ERCC6: variants seen among roughly 807,000 people sequenced by gnomAD.
ERCC6 encodes DNA excision repair protein ERCC-6.
A neutral mutation model predicts 158.7 loss-of-function variants in ERCC6; 116 were observed. The observed-to-expected ratio is 0.73, with a 90% CI of 0.63 to 0.85. The LOEUF is 0.85. Among genes scored for constraint, ERCC6 ranks in the 40% least tolerant of loss-of-function variants. The probability of loss-of-function intolerance (pLI) is 0.00; values close to 1 mark genes in which losing one functional copy is unlikely to be tolerated. For missense variants in ERCC6, 1,698 were observed against 1,799.4 expected (o/e 0.94, Z 1.02); for synonymous variants, 678 against 659.3 (o/e 1.03, Z -0.43).
At chr10:49,436,332 A>G in the ERCC6 span, among the ~76,000 whole-genome samples, 2 of 152,182 alleles carry the variant, frequency 1.3e-5, no homozygotes, top group African/African-American at 4.8e-5. Context: ...AAAATAAAAG[A>G]TTGATAAATT....
chr10:49,476,274 C>T lies in ERCC6; in HGVS notation c.2323G>A (p.Val775Ile). The T allele has an allele frequency of 6.2e-7, 1 of 1,613,914 alleles. No individual in the cohort carries two copies. The highest frequency in any genetic ancestry group is 8.5e-7 in the Non-Finnish European group (1 of 1,179,910). Residue 775 changes from valine to isoleucine, a missense_variant, in exon 12 of 21, where the codon GTC becomes ATC. Coordinates refer to ENST00000355832, the MANE Select transcript of ERCC6 (RefSeq NM_000124.4). ...TTGGAATCAACGAAATTTTGGTAGA[C>T]TTTATGCTGCTCATCTGTAAGACGG... ...FCRLTDEQHK[V>I]YQNFVDSKEV...
chr10:49,438,955 T>C, the ERCC6 span, among the ~76,000 whole-genome samples: 1 of 152,194 alleles, frequency 6.6e-6, no homozygotes, highest in Non-Finnish European at 1.5e-5. Context: ...GTTCCCATGG[T>C]CTTGGGAAGC....
At chr10:49,511,204 C>T (rs1221597000) in intron 5 of ERCC6, among the ~76,000 whole-genome samples, 1 of 152,136 alleles carries the variant, frequency 6.6e-6, no homozygotes, top group Non-Finnish European at 1.5e-5. Flanking sequence ...AGTTTGCTCC[C>T]AAGCTTCCCC....
At chr10:49,537,161 T>C (rs1202330648) in intron 1 of ERCC6, among the ~76,000 whole-genome samples, 2 of 151,844 alleles carry the variant, frequency 1.3e-5, no homozygotes, top group Non-Finnish European at 2.9e-5. Flanking sequence ...CTGACCAACA[T>C]AGTGAAACCC....
At chr10:49,465,571 C>T (rs550511485) in intron 18 of ERCC6, among the ~76,000 whole-genome samples, 3 of 152,282 alleles carry the variant, frequency 2.0e-5, no homozygotes, top group African/African-American at 7.2e-5. Flanking sequence ...CAAATCTCAT[C>T]TTGAATTGTA....
intron 5 of ERCC6, chr10:49,515,411 A>T: frequency 6.2e-7 from 1 of 1,614,162 alleles, no homozygotes; most frequent in South Asian, 1.1e-5. Flanking sequence ...TTGTGTTCTT[A>T]TGACATTCAG....
At position 49,470,729 on chromosome 10, in the gene ERCC6, TC is replaced by T. The variant is rs1850762108; in HGVS notation, c.3230del (p.Gly1077GlufsTer4). ...TAGAAGTTACTGCATTTACTTCAGC[TC>T]CTTTAGCCTCAGATTTCTCTTCAGA... ...TSSEEKSEAKGAEVNAVTSNR... is the reference protein window; with the variant it reads ...TSSEEKSEAKXAEVNAVTSNR... On this transcript the variant is annotated frameshift_variant, in exon 18 of 21. Transcript: ENST00000355832. LOFTEE classifies it high-confidence loss of function. 1 of 1,614,062 alleles carries T rather than the reference TC, an allele frequency of 6.2e-7. No individual in the cohort carries two copies. Among genetic ancestry groups the T allele is most frequent in the African/African-American group, 1.3e-5 (1 of 74,944 alleles).
intron 5 of ERCC6, among the ~76,000 whole-genome samples, chr10:49,513,517 C>A (rs1590450449): frequency 6.6e-6 from 1 of 152,096 alleles, no homozygotes; most frequent in East Asian, 1.9e-4. Flanking sequence ...ATACCCGAGA[C>A]TGGGTAATTT....
chr10:49,476,414 G>T, intron 11 of ERCC6, 104 bp from the exon 12 acceptor site: 6 of 733,048 alleles, frequency 8.2e-6, no homozygotes, highest in Non-Finnish European at 1.4e-5. Flanking sequence ...CAATGCATGC[G>T]ATTTTAATGA....
intron 18 of ERCC6, among the ~76,000 whole-genome samples, chr10:49,468,550 C>G (rs192815443): frequency 2.0e-5 from 3 of 152,174 alleles, no homozygotes; most frequent in Admixed American, 6.5e-5. Context: ...TTGCTGGAAG[C>G]CAAATTCATG....
At chr10:49,435,303 A>G in the ERCC6 span, among the ~76,000 whole-genome samples, 1 of 152,262 alleles carries the variant, frequency 6.6e-6, no homozygotes. Flanking sequence ...TGATAGATTA[A>G]GCAGGGAAAA....
chr10:49,474,321 C>G, intron 12 of ERCC6, 79 bp from the exon 13 acceptor site: 1 of 1,117,666 alleles, frequency 8.9e-7, no homozygotes. Context: ...GCTGTTTAAC[C>G]TATAACACAG....
chr10:49,520,238 C>T (rs141150537), intron 5 of ERCC6, among the ~76,000 whole-genome samples: 3 of 152,332 alleles, frequency 2.0e-5, no homozygotes, highest in African/African-American at 7.2e-5. Flanking sequence ...GGTGACCCCA[C>T]GCTACACTTC....
chr10:49,493,005 GA>G (rs200862492), intron 8 of ERCC6, 111 bp downstream of exon 8: 20 of 1,131,016 alleles, frequency 1.8e-5, no homozygotes, highest in African/African-American at 4.7e-5. Context: ...TTAAATGCAG[GA>G]AAAAAAACAC....
At chr10:49,534,776 T>C (rs1450311510) in intron 1 of ERCC6, among the ~76,000 whole-genome samples, 2 of 152,196 alleles carry the variant, frequency 1.3e-5, no homozygotes, top group Non-Finnish European at 2.9e-5. Flanking sequence ...GTGAATAAGA[T>C]TTCTTTGAGC....
At chr10:49,449,259 G>A (rs1232828243), downstream of ERCC6, among the ~76,000 whole-genome samples, 1 of 152,044 alleles carries the variant, frequency 6.6e-6, no homozygotes, top group African/African-American at 2.4e-5. Context: ...GTGCTTATTG[G>A]CCATTTTTAT....
At chr10:49,499,928 T>A (rs891805861) in intron 7 of ERCC6, among the ~76,000 whole-genome samples, 2 of 152,146 alleles carry the variant, frequency 1.3e-5, no homozygotes, top group Non-Finnish European at 1.5e-5. Context: ...TTACATAAAG[T>A]TCATAGATTG....
the ERCC6 span, among the ~76,000 whole-genome samples, chr10:49,442,245 A>AC: frequency 6.6e-6 from 1 of 152,116 alleles, no homozygotes; most frequent in Non-Finnish European, 1.5e-5. Context: ...AAGAAGGTGG[A>AC]CCCCCGCCCT....
Position 49,494,492 on chromosome 10 carries a change from G to A in ERCC6, c.1686-1240C>T, listed in dbSNP as rs183820604. 1.9e-3 allele frequency among the ~76,000 whole-genome samples: 286 copies of A among 152,204 alleles called. 2 individuals are homozygous for A. The highest frequency in any genetic ancestry group is 6.5e-3 in the African/African-American group (270 of 41,532). On this transcript the variant is annotated intron_variant, in intron 7 of 20. Transcript: ENST00000355832. ...GACATAGGTATACGTAGAAAAACTG[G>A]TTGTGGCCATTGTCTCAACATGCAT...
Sources: gnomAD v4.1 joint callset for allele counts (sites outside exome capture counted in the v4.1 genomes callset) on GRCh38, gnomAD v4.1.1 for gene constraint, MANE v1.5 for transcripts, NCBI Gene and HGNC (gene_info 2026-07-23, HGNC 2026-07-21) for gene names.